NRXN1: variants seen among roughly 807,000 people sequenced by gnomAD.
The protein encoded by NRXN1 is neurexin 1, also known as neurexin-1.
Under a neutral mutation model 150.9 loss-of-function variants are expected in NRXN1, and 39 were observed. That is an observed-to-expected ratio of 0.26 (90% CI 0.20 to 0.34). The LOEUF is 0.34. NRXN1 is among the 10% of genes least tolerant of loss of function. The pLI is 1.00. For synonymous variants in NRXN1, 924 were observed against 757.0 expected, an observed-to-expected ratio of 1.22 and a Z score of -3.62; for missense variants, 1,815 against 1,949.9, an observed-to-expected ratio of 0.93 and a Z score of 1.30.
chr2:50,428,447 T>C (rs187432883), intron 17 of NRXN1, among the ~76,000 whole-genome samples: 9 of 152,264 alleles, frequency 5.9e-5, no homozygotes, highest in South Asian at 4.1e-4. Flanking sequence ...AAGAACAAAA[T>C]ATGGTACACA....
intron 17 of NRXN1, among the ~76,000 whole-genome samples, chr2:50,410,402 G>A (rs1207165075): frequency 6.6e-6 from 1 of 152,056 alleles, no homozygotes; most frequent in Non-Finnish European, 1.5e-5. Context: ...AGCTACTTTT[G>A]TACCTATCTG....
chr2:50,650,507 G>A (rs1004247377), intron 5 of NRXN1, among the ~76,000 whole-genome samples: 1 of 151,916 alleles, frequency 6.6e-6, no homozygotes, highest in African/African-American at 2.4e-5. Flanking sequence ...TAAACCTATC[G>A]GCAGCAGCCT....
At chr2:50,496,175 AT>A (rs1440505264) in intron 14 of NRXN1, 80 bp from the exon 15 acceptor site, 17 of 1,126,274 alleles carry the variant, frequency 1.5e-5, no homozygotes, top group Non-Finnish European at 1.9e-5. Context: ...ACAAATGGAG[AT>A]TTTTTTTCAG....
intron 5 of NRXN1, among the ~76,000 whole-genome samples, chr2:50,786,431 T>C (rs1705120533): frequency 6.6e-6 from 1 of 152,124 alleles, no homozygotes; most frequent in African/African-American, 2.4e-5. Context: ...AACCACTGCG[T>C]GCACTTTTTT....
intron 18 of NRXN1, among the ~76,000 whole-genome samples, chr2:50,191,710 T>C (rs369745789): frequency 6.6e-6 from 1 of 152,254 alleles, no homozygotes; most frequent in African/African-American, 2.4e-5. Context: ...GACTTTTTCA[T>C]TCAGCATAGT....
intron 5 of NRXN1, among the ~76,000 whole-genome samples, chr2:50,877,257 T>A (rs1678741363): frequency 6.6e-6 from 1 of 151,704 alleles, no homozygotes; most frequent in Non-Finnish European, 1.5e-5. Flanking sequence ...AGTTTGCAGT[T>A]TATTTTTTCT....
chr2:50,767,163 T>A (rs963157460), intron 5 of NRXN1, among the ~76,000 whole-genome samples: 1 of 152,018 alleles, frequency 6.6e-6, no homozygotes, highest in Non-Finnish European at 1.5e-5. Flanking sequence ...ACCATACCCA[T>A]GGGGAAAATT....
intron 18 of NRXN1, among the ~76,000 whole-genome samples, chr2:50,213,304 A>C (rs2063163737): frequency 6.6e-6 from 1 of 151,994 alleles, no homozygotes; most frequent in African/African-American, 2.4e-5. Flanking sequence ...TACAGTTTGC[A>C]TTCTAATGAT....
intron 18 of NRXN1, among the ~76,000 whole-genome samples, chr2:50,152,944 C>T (rs1030764174): frequency 6.6e-6 from 1 of 151,628 alleles, no homozygotes; most frequent in Non-Finnish European, 1.5e-5. Context: ...TCTGAGACTT[C>T]CAAAATGTGT....
At chr2:50,943,634 C>T (rs1034230032) in intron 2 of NRXN1, among the ~76,000 whole-genome samples, 6 of 152,078 alleles carry the variant, frequency 3.9e-5, no homozygotes, top group African/African-American at 1.4e-4. Context: ...TCCCACAGGC[C>T]TTGTAGATCT....
At position 49,921,836 on chromosome 2, in the gene NRXN1, T is replaced by C; in HGVS notation, c.*108A>G. 9.2e-7 allele frequency: 1 copy of C among 1,088,634 alleles called. No individual in the cohort carries two copies. The highest frequency in any genetic ancestry group is 1.3e-6 in the Non-Finnish European group (1 of 750,452). 67.4% of individuals were successfully genotyped at this position (1,088,634 alleles called of 1,614,324 possible). A position where few individuals can be genotyped will look rare whatever the true frequency, so the allele number is the denominator to read the frequency against. ...GTCTTTCCTTCCTGATTGCATTCCC[T>C]GTCTTCTTTTGTATGTGCTTCATAA... On this transcript the variant is annotated 3_prime_UTR_variant, in exon 23 of 23. Transcript: ENST00000401669.
At chr2:49,999,829 A>G (rs1683609627) in intron 21 of NRXN1, among the ~76,000 whole-genome samples, 1 of 152,214 alleles carries the variant, frequency 6.6e-6, no homozygotes, top group Non-Finnish European at 1.5e-5. Context: ...GCCTGGAATT[A>G]ACTTACACTA....
chr2:50,611,263 C>T (rs1208288418), intron 8 of NRXN1, among the ~76,000 whole-genome samples: 1 of 152,006 alleles, frequency 6.6e-6, no homozygotes, highest in Non-Finnish European at 1.5e-5. Context: ...TGTCACTGAA[C>T]CCCCTGACAG....
chr2:49,989,185 A>C (rs1681484547), intron 21 of NRXN1, among the ~76,000 whole-genome samples: 1 of 152,198 alleles, frequency 6.6e-6, no homozygotes, highest in Non-Finnish European at 1.5e-5. Context: ...AAAGCAAATA[A>C]AGGACTTACA....
intron 22 of NRXN1, among the ~76,000 whole-genome samples, chr2:49,929,846 T>C (rs1048897442): frequency 2.0e-5 from 3 of 152,182 alleles, no homozygotes; most frequent in Non-Finnish European, 4.4e-5. Flanking sequence ...TTGATGTATA[T>C]GTCCTCATGG....
At chr2:50,214,498 C>A (rs550956561) in intron 18 of NRXN1, among the ~76,000 whole-genome samples, 1 of 151,970 alleles carries the variant, frequency 6.6e-6, no homozygotes, top group South Asian at 2.1e-4. Flanking sequence ...AGACTGATGT[C>A]AACATTAGTA....
At chr2:50,740,089 T>C (rs2105264828) in intron 5 of NRXN1, among the ~76,000 whole-genome samples, 1 of 152,338 alleles carries the variant, frequency 6.6e-6, no homozygotes, top group East Asian at 1.9e-4. Flanking sequence ...TTTTAAATTC[T>C]AAGTAGCTTT....
At chr2:50,392,493 T>C (rs566878430) in intron 17 of NRXN1, among the ~76,000 whole-genome samples, 3 of 152,188 alleles carry the variant, frequency 2.0e-5, no homozygotes, top group Admixed American at 6.6e-5. Context: ...TAGACTGCAA[T>C]AGGTAAGGTG....
chr2:49,992,097 G>A (rs1458377648), intron 21 of NRXN1, among the ~76,000 whole-genome samples: 3 of 152,110 alleles, frequency 2.0e-5, no homozygotes, highest in African/African-American at 7.2e-5. Context: ...AAACCCTTAA[G>A]TGTAAAATGA....
Sources: gnomAD v4.1 joint callset for allele counts (sites outside exome capture counted in the v4.1 genomes callset) on GRCh38, gnomAD v4.1.1 for gene constraint, MANE v1.5 for transcripts, NCBI Gene and HGNC (gene_info 2026-07-23, HGNC 2026-07-21) for gene names.